Variants in GRM8 observed in about 807,000 individuals in gnomAD.
GRM8 encodes metabotropic glutamate receptor 8.
GRM8 carries 47 observed loss-of-function variants against 87.2 expected under a neutral mutation model. The ratio of observed to expected loss-of-function variants is 0.54; its 90% CI spans 0.43 to 0.69. GRM8 has a LOEUF of 0.69. Ranked by LOEUF, GRM8 falls within the 30% of genes least tolerant of loss-of-function variation. The pLI is 0.00. For synonymous variants in GRM8, 396 were observed against 404.5 expected, an observed-to-expected ratio of 0.98 and a Z score of 0.25; for missense variants, 1,019 against 1,139.2, an observed-to-expected ratio of 0.89 and a Z score of 1.52.
Position 126,685,337 on chromosome 7 carries a change from G to A in GRM8, c.1358-75839C>T, listed in dbSNP as rs1048986443. Among the ~76,000 whole-genome samples, 1 of 152,148 alleles carries A rather than the reference G, an allele frequency of 6.6e-6. No homozygotes were observed. The highest frequency in any genetic ancestry group is 6.5e-5 in the Admixed American group (1 of 15,286). On this transcript the variant is annotated intron_variant, in intron 7 of 10. Transcript: ENST00000339582. The surrounding 1 kb of genome is among the most constrained non-coding windows in gnomAD (Gnocchi z 4.2). ...GACTCGAGGCGGAGCCGGGCCTGGG[G>A]TGGTACCATGCTTCAGGGAGCCTGC...
At chr7:126,752,735 C>G (rs1207047784) in intron 7 of GRM8, among the ~76,000 whole-genome samples, 1 of 152,130 alleles carries the variant, frequency 6.6e-6, no homozygotes, top group African/African-American at 2.4e-5. Context: ...ACACAAATCT[C>G]TTTTCTGTCT....
chr7:127,166,444 G>A (rs908190788), intron 2 of GRM8, among the ~76,000 whole-genome samples: 8 of 152,014 alleles, frequency 5.3e-5, no homozygotes, highest in South Asian at 2.1e-4. Flanking sequence ...AATAAACCTC[G>A]TTTCTGAAGT....
intron 6 of GRM8, among the ~76,000 whole-genome samples, chr7:126,846,495 G>C (rs905697411): frequency 6.6e-6 from 1 of 152,190 alleles, no homozygotes; most frequent in African/African-American, 2.4e-5. Context: ...AGCCCAAAGG[G>C]CTATGCTATT....
intron 6 of GRM8, among the ~76,000 whole-genome samples, chr7:126,840,606 A>C (rs1796186916): frequency 6.6e-6 from 1 of 152,182 alleles, no homozygotes; most frequent in Non-Finnish European, 1.5e-5. Context: ...TTAAAAGTTA[A>C]TTGTTGACTA....
At chr7:126,901,870 T>C (rs1802109655) in intron 6 of GRM8, among the ~76,000 whole-genome samples, 1 of 152,200 alleles carries the variant, frequency 6.6e-6, no homozygotes, top group Non-Finnish European at 1.5e-5. Flanking sequence ...TAAAAATGAA[T>C]GTTTATATTG....
chr7:127,062,233 C>T (rs1418994996), intron 3 of GRM8, among the ~76,000 whole-genome samples: 1 of 151,710 alleles, frequency 6.6e-6, no homozygotes, highest in Non-Finnish European at 1.5e-5. Flanking sequence ...GGGGAAAAGG[C>T]AGATAGCTAA....
chr7:127,006,284 C>T (rs1814293272), intron 3 of GRM8, among the ~76,000 whole-genome samples: 1 of 150,606 alleles, frequency 6.6e-6, no homozygotes, highest in Non-Finnish European at 1.5e-5. Context: ...GAATTTTCCC[C>T]TCCTTTGCTG....
chr7:126,492,670 T>C (rs1045409042), intron 9 of GRM8, among the ~76,000 whole-genome samples: 4 of 152,068 alleles, frequency 2.6e-5, no homozygotes, highest in African/African-American at 9.7e-5. Flanking sequence ...AGAATTAAGA[T>C]TCAACCCATA....
At chr7:127,227,530 C>T (rs561955785) in intron 2 of GRM8, among the ~76,000 whole-genome samples, 9 of 152,216 alleles carry the variant, frequency 5.9e-5, no homozygotes, top group African/African-American at 1.9e-4. Context: ...TGTCACAGGT[C>T]CTATTTTAGT....
chr7:126,521,302 A>G (rs1812946766), intron 9 of GRM8, among the ~76,000 whole-genome samples: 1 of 152,176 alleles, frequency 6.6e-6, no homozygotes, highest in Non-Finnish European at 1.5e-5. Flanking sequence ...TATTTTTCCC[A>G]AGATACACTT....
At chr7:126,540,466 T>C (rs113889289) in intron 8 of GRM8, among the ~76,000 whole-genome samples, 12 of 152,226 alleles carry the variant, frequency 7.9e-5, no homozygotes, top group African/African-American at 2.9e-4. Context: ...TAAAAACATA[T>C]GTTCCCACAA....
intron 3 of GRM8, among the ~76,000 whole-genome samples, chr7:127,094,126 T>C (rs1218236868): frequency 2.0e-5 from 3 of 152,262 alleles, no homozygotes; most frequent in Non-Finnish European, 4.4e-5. Flanking sequence ...GCTTCATTTC[T>C]GCAGAAGGGT....
intron 7 of GRM8, among the ~76,000 whole-genome samples, chr7:126,727,967 C>G (rs951287923): frequency 6.6e-6 from 1 of 152,122 alleles, no homozygotes; most frequent in Non-Finnish European, 1.5e-5. Flanking sequence ...TGCTTACATT[C>G]TGATATGATT....
intron 7 of GRM8, among the ~76,000 whole-genome samples, chr7:126,626,740 G>A (rs538474609): frequency 6.6e-6 from 1 of 152,142 alleles, no homozygotes; most frequent in Non-Finnish European, 1.5e-5. Flanking sequence ...GAACAATCTG[G>A]CTGGCATGTT....
intron 6 of GRM8, among the ~76,000 whole-genome samples, chr7:126,797,754 A>G (rs1345596992): frequency 6.6e-6 from 1 of 152,110 alleles, no homozygotes; most frequent in African/African-American, 2.4e-5. Context: ...TAGAACATGA[A>G]ATACTATTCT....
At chr7:127,126,855 A>G (rs1385343360) in intron 2 of GRM8, among the ~76,000 whole-genome samples, 2 of 152,050 alleles carry the variant, frequency 1.3e-5, no homozygotes, top group African/African-American at 2.4e-5. Flanking sequence ...ACTTTTACCA[A>G]GAATTTTTAA....
At chr7:127,136,679 C>T (rs1036642685) in intron 2 of GRM8, among the ~76,000 whole-genome samples, 9 of 152,062 alleles carry the variant, frequency 5.9e-5, no homozygotes, top group African/African-American at 2.2e-4. Flanking sequence ...ACTCAACTCA[C>T]TATTTCTATA....
chr7:126,876,624 G>A (rs1338348749), intron 6 of GRM8, among the ~76,000 whole-genome samples: 4 of 152,070 alleles, frequency 2.6e-5, no homozygotes, highest in African/African-American at 7.2e-5. Context: ...ACAGTTTTTC[G>A]TCATATAAGG....
chr7:126,973,972 G>T (rs1810696463), intron 3 of GRM8, among the ~76,000 whole-genome samples: 1 of 152,116 alleles, frequency 6.6e-6, no homozygotes, highest in Non-Finnish European at 1.5e-5. Flanking sequence ...AATCCAAAAT[G>T]CTCCAAAATC....
Sources: gnomAD v4.1 joint callset for allele counts (sites outside exome capture counted in the v4.1 genomes callset) on GRCh38, gnomAD v4.1.1 for gene constraint, Gnocchi (gnomAD v3.1) non-coding constraint, MANE v1.5 for transcripts, NCBI Gene and HGNC (gene_info 2026-07-23, HGNC 2026-07-21) for gene names.